Variants in EVI5L observed in about 807,000 individuals in gnomAD.
EVI5L encodes ecotropic viral integration site 5 like, also known as EVI5-like protein.
Under a neutral mutation model 106.1 loss-of-function variants are expected in EVI5L, and 30 were observed. That is an observed-to-expected ratio of 0.28 (90% CI 0.21 to 0.38). EVI5L has a LOEUF of 0.38. Among genes scored for constraint, EVI5L ranks in the 10% least tolerant of loss-of-function variants. The pLI, the probability that EVI5L is intolerant of heterozygous loss-of-function variation, is 1.00. For missense variants in EVI5L, 809 were observed against 1,098.0 expected (o/e 0.74, Z 3.72); for synonymous variants, 489 against 483.3 (o/e 1.01, Z -0.15).
In EVI5L at chr19:7,861,931, G is replaced by T; in HGVS notation, c.1557G>T (p.Leu519=). 2 of 1,550,526 alleles carry T rather than the reference G, an allele frequency of 1.3e-6. No homozygotes were observed. Among genetic ancestry groups the T allele is most frequent in the South Asian group, 2.4e-5 (2 of 84,078 alleles). ...ENNVAQLQEE[L]KALKVREGQA... is the part of the protein sequence containing the mutation. ...ATGTGGCGCAGCTGCAGGAGGAGCT[G>T]AAGGCGCTCAAGGTGCGGGAAGGCC... The change falls in exon 15 of 20, where the codon CTG becomes CTT. Residue 519 remains leucine (L), a synonymous_variant. Transcript: ENST00000538904.
At chr19:7,839,544 G>A (rs1181443177) in intron 1 of EVI5L, among the ~76,000 whole-genome samples, 1 of 152,184 alleles carries the variant, frequency 6.6e-6, no homozygotes, top group African/African-American at 2.4e-5. Context: ...CGTGGCAAGA[G>A]CTGCAGTTCT....
chr19:7,862,736 G>T (rs1187272444), intron 17 of EVI5L, among the ~76,000 whole-genome samples: 1 of 47,946 alleles, frequency 2.1e-5, no homozygotes, highest in East Asian at 6.7e-4. Context: ...CCCGCCTCCT[G>T]ACCACCCCCC....
At position 7,835,764 on chromosome 19, in the gene EVI5L, A is replaced by C. The variant is rs652710; in HGVS notation, c.-48+5383A>C. ...GCTCACCTGTCAGTTGTCCGCCCACACCTTGCCAAGGACGAGAGGACCTAA... is the reference window on the plus strand; with the variant it reads ...GCTCACCTGTCAGTTGTCCGCCCACCCCTTGCCAAGGACGAGAGGACCTAA... On this transcript the variant is annotated intron_variant, in intron 1 of 19. Coordinates refer to ENST00000538904, the MANE Select transcript of EVI5L (RefSeq NM_001159944.3). The surrounding 1 kb of genome is among the most constrained non-coding windows in gnomAD (Gnocchi z 4.1). Among the ~76,000 whole-genome samples the C allele has an allele frequency of 0.81, 122,999 of 152,144 alleles. 50,200 individuals are homozygous for C. Among genetic ancestry groups the C allele is most frequent in the South Asian group, 0.87 (4,211 of 4,824 alleles).
chr19:7,858,309 TC>T lies in EVI5L; in HGVS notation c.1354del (p.Arg452GlyfsTer68). 1 of 1,548,254 alleles carries T rather than the reference TC, an allele frequency of 6.5e-7. No individual in the cohort carries two copies. The highest frequency in any genetic ancestry group is 8.7e-7 in the Non-Finnish European group (1 of 1,146,968). On this transcript the variant is annotated frameshift_variant, in exon 13 of 20. Coordinates refer to ENST00000538904, the MANE Select transcript of EVI5L (RefSeq NM_001159944.3). LOFTEE classifies it high-confidence loss of function. This position sits in a 1 kb window ranked among gnomAD's most constrained non-coding sequence, Gnocchi z 5.7. ...GACCTGCAGAAGGCACAGAGCACCA[TC>T]CGGCAGCTACAGGAGCAGCAGGTAG... is the stretch of plus-strand genomic sequence containing the variant. The part of the protein sequence containing the change: ...AEDLQKAQST[I>X]RQLQEQQENP...
rs200992813 is a variant in EVI5L at position 7,842,210 on chromosome 19, A to G, written c.-47-4286A>G. Among the ~76,000 whole-genome samples, 6 of 47,636 alleles carry G rather than the reference A, an allele frequency of 1.3e-4. No individual in the cohort carries two copies. In the South Asian group the frequency reaches 2.9e-3, roughly 23 times the overall value. The allele number at this position is 47,636 out of a possible 152,430, so 31.3% of individuals were successfully genotyped here. On this transcript the variant is annotated intron_variant, in intron 1 of 19. Transcript: ENST00000538904. ...GTGTGTGTGTTGTGTGTGCATGTAT[A>G]TGTGTGTGTGTGAATATGCATAGGT...
Position 7,862,131 on chromosome 19 carries a change from G to T in EVI5L, c.1654G>T (p.Ala552Ser). ...ELSDTWQAHLARGGRWKESPR... is the reference protein window; with the variant it reads ...ELSDTWQAHLSRGGRWKESPR... ...CGGCTTCACCCCCCAGGCCCATCTG[G>T]CCCGCGGCGGCCGCTGGAAGGAGTC... Residue 552 changes from alanine (A) to serine (S), a missense_variant, in exon 16 of 20, where the codon GCC becomes TCC. Coordinates refer to ENST00000538904, the MANE Select transcript of EVI5L (RefSeq NM_001159944.3). 1.3e-6 allele frequency: 2 copies of T among 1,568,122 alleles called. No individual in the cohort carries two copies. The highest frequency in any genetic ancestry group is 2.3e-5 in the East Asian group (1 of 43,170).
At position 7,858,432 on chromosome 19, in the gene EVI5L, CA is replaced by C; in HGVS notation, c.1374+102del. ...GGGCTCATAATCTGCCCCGCCTCAG[CA>C]CCTGGCCCTCCTGTTCCTTTCTGGG... On this transcript the variant is annotated intron_variant, in intron 13 of 19. Coordinates refer to ENST00000538904, the MANE Select transcript of EVI5L (RefSeq NM_001159944.3). This position sits in a 1 kb window ranked among gnomAD's most constrained non-coding sequence, Gnocchi z 5.7. 1 of 1,401,064 alleles carries C rather than the reference CA, an allele frequency of 7.1e-7. No individual in the cohort carries two copies. The highest frequency in any genetic ancestry group is 9.4e-7 in the Non-Finnish European group (1 of 1,061,956). The allele number at this position is 1,401,064 out of a possible 1,614,324, so 86.8% of individuals were successfully genotyped here.
At chr19:7,834,175 C>T (rs1978311866) in intron 1 of EVI5L, among the ~76,000 whole-genome samples, 3 of 151,994 alleles carry the variant, frequency 2.0e-5, no homozygotes, top group Admixed American at 2.0e-4. Flanking sequence ...GGTGAAACCC[C>T]GTCTCTATTA....
At chr19:7,862,659 T>TCCCGCCCCCGCCCGCGGCCCC in intron 17 of EVI5L, 125 bp downstream of exon 17, 1 of 695,238 alleles carries the variant, frequency 1.4e-6, no homozygotes, top group East Asian at 4.4e-5. Flanking sequence ...CCCGCGGTCC[T>TCCCGCCCCCGCCCGCGGCCCC]CCCGCCCCCG....
At position 7,851,744 on chromosome 19, in the gene EVI5L, C is replaced by G. The variant is rs772151089; in HGVS notation, c.961C>G (p.Gln321Glu). 3 of 1,509,788 alleles carry G rather than the reference C, an allele frequency of 2.0e-6. No individual in the cohort carries two copies. Among genetic ancestry groups the G allele is most frequent in the Non-Finnish European group, 2.7e-6 (3 of 1,131,728 alleles). The allele number at this position is 1,509,788 out of a possible 1,614,324, so 93.5% of individuals were successfully genotyped here. A position where few individuals can be genotyped will look rare whatever the true frequency, so the allele number is the denominator to read the frequency against. Residue 321 changes from glutamine to glutamate, a missense_variant, in exon 8 of 20, where the codon CAG becomes GAG. By Grantham distance (29) the Gln-to-Glu change is conservative. Coordinates refer to ENST00000538904, the MANE Select transcript of EVI5L (RefSeq NM_001159944.3). ...GCAGGTGAACCAGGCAGAGCTGATG[C>G]AGCTGGACATGGAGGGGATGTCCCA... ...LLQVNQAELMQLDMEGMSQYF... is the reference protein window; with the variant it reads ...LLQVNQAELMELDMEGMSQYF...
intron 14 of EVI5L, 78 bp downstream of exon 14, chr19:7,860,767 G>A (rs1433568070): frequency 7.2e-5 from 104 of 1,442,000 alleles, no homozygotes; most frequent in Non-Finnish European, 9.4e-5. Context: ...CTTTGGGAGT[G>A]ACCCCAGGTC....
At chr19:7,862,577 C>G (rs1251092240) in intron 17 of EVI5L, 43 bp downstream of exon 17, 32 of 1,371,978 alleles carry the variant, frequency 2.3e-5, no homozygotes, top group Non-Finnish European at 3.0e-5. Context: ...GCACCGCCCC[C>G]GGACGCGCCC....
chr19:7,833,657 TG>T (rs1978306109), intron 1 of EVI5L, among the ~76,000 whole-genome samples: 1 of 152,170 alleles, frequency 6.6e-6, no homozygotes, highest in Non-Finnish European at 1.5e-5. Context: ...GGAGCAAGCG[TG>T]GTGCGCTCAG....
At chr19:7,853,530 C>G (rs968164142) in intron 10 of EVI5L, 197 bp downstream of exon 10, 7 of 692,668 alleles carry the variant, frequency 1.0e-5, no homozygotes, top group Non-Finnish European at 1.7e-5. Context: ...CCCCGCCTGA[C>G]GCCGCGGTAA....
chr19:7,845,807 G>C lies in EVI5L; in HGVS notation c.-47-689G>C, dbSNP rs1167407928. 6.6e-6 allele frequency among the ~76,000 whole-genome samples: 1 copy of C among 152,198 alleles called. No homozygotes were observed. Among genetic ancestry groups the C allele is most frequent in the Admixed American group, 6.5e-5 (1 of 15,284 alleles). ...GAGAGATGTGCCTGGGACTCACCTG[G>C]CACGTGGCAGGCCAAGATCTGGATA... is the stretch of plus-strand genomic sequence containing the variant. On this transcript the variant is annotated intron_variant, in intron 1 of 19. Transcript: ENST00000538904. The surrounding 1 kb of genome is among the most constrained non-coding windows in gnomAD (Gnocchi z 4.0).
chr19:7,844,372 G>C (rs1978859380), intron 1 of EVI5L, among the ~76,000 whole-genome samples: 1 of 151,572 alleles, frequency 6.6e-6, no homozygotes, highest in Non-Finnish European at 1.5e-5. Flanking sequence ...AAGAAACCGA[G>C]GCTCGGGCAG....
intron 1 of EVI5L, among the ~76,000 whole-genome samples, chr19:7,842,904 G>A (rs113882626): frequency 2.0e-4 from 31 of 152,124 alleles, no homozygotes; most frequent in African/African-American, 7.2e-4. Flanking sequence ...TGTATTGAGT[G>A]TGTGCATGTG....
Position 7,860,656 on chromosome 19 carries a change from G to T in EVI5L, c.1470G>T (p.Arg490=), listed in dbSNP as rs2146438643. Residue 490 remains arginine (R), a synonymous_variant, in exon 14 of 20, where the codon CGG becomes CGT. Transcript: ENST00000538904. ...LRETETLGAL[R]EMQDKVLDME... Reference sequence around the variant, plus strand: ...AGACGGAGACACTGGGGGCCCTTCGGGAGATGCAGGACAAGGTTCTCGACA... The same window carrying T: ...AGACGGAGACACTGGGGGCCCTTCGTGAGATGCAGGACAAGGTTCTCGACA... 2 of 1,592,836 alleles carry T rather than the reference G, an allele frequency of 1.3e-6. No individual in the cohort carries two copies. The highest frequency in any genetic ancestry group is 2.3e-5 in the East Asian group (1 of 43,964).
intron 10 of EVI5L, chr19:7,853,703 G>A (rs1012540786): frequency 3.1e-6 from 1 of 327,070 alleles, no homozygotes; most frequent in East Asian, 7.8e-5. Context: ...GGGTGTCGAG[G>A]GCTAAAGGCC....
Sources: gnomAD v4.1 joint callset for allele counts (sites outside exome capture counted in the v4.1 genomes callset) on GRCh38, gnomAD v4.1.1 for gene constraint, Gnocchi (gnomAD v3.1) non-coding constraint, MANE v1.5 for transcripts, NCBI Gene and HGNC (gene_info 2026-07-23, HGNC 2026-07-21) for gene names.